The following ARK2C variants were observed in gnomAD, a reference collection of about 807,000 sequenced individuals.
ARK2C encodes the protein arkadia (RNF111) C-terminal like ring finger ubiquitin ligase 2C.
the ARK2C span, among the ~76,000 whole-genome samples, chr18:46,345,630 C>G: frequency 6.6e-6 from 1 of 152,174 alleles, no homozygotes; most frequent in Non-Finnish European, 1.5e-5. Context: ...AGGGCTTGGG[C>G]CTGCTGCAGG....
the ARK2C span, among the ~76,000 whole-genome samples, chr18:46,376,234 C>T: frequency 5.9e-5 from 9 of 152,334 alleles, no homozygotes; most frequent in South Asian, 4.1e-4. Flanking sequence ...AAAATCAACA[C>T]ACAGCATGCA....
chr18:46,365,632 T>C, the ARK2C span, among the ~76,000 whole-genome samples: 1 of 152,204 alleles, frequency 6.6e-6, no homozygotes, highest in Non-Finnish European at 1.5e-5. Context: ...GCCTCCCCAG[T>C]AGCTAGGATT....
chr18:46,400,118 C>T, the ARK2C span, among the ~76,000 whole-genome samples: 2 of 152,146 alleles, frequency 1.3e-5, no homozygotes, highest in Non-Finnish European at 2.9e-5. Context: ...TTTCTCCTGG[C>T]GGGTGTCCTG....
chr18:46,408,855 G>A, the ARK2C span, among the ~76,000 whole-genome samples: 1 of 152,190 alleles, frequency 6.6e-6, no homozygotes, highest in Non-Finnish European at 1.5e-5. Flanking sequence ...CATCCCAGTG[G>A]TACTGTTATC....
chr18:46,454,140 T>TAAAAAAAAAAAAAAAAAAA, the ARK2C span, among the ~76,000 whole-genome samples: 1 of 93,256 alleles, frequency 1.1e-5, no homozygotes. Context: ...AAAAAAAAAG[T>TAAAAAAAAAAAAAAAAAAA]AAAAGGGAAG....
chr18:46,338,909 C>G, the ARK2C span, among the ~76,000 whole-genome samples: 1 of 152,190 alleles, frequency 6.6e-6, no homozygotes, highest in South Asian at 2.1e-4. Flanking sequence ...CGGGTGCACC[C>G]CTGCCTGACC....
chr18:46,419,619 C>T, the ARK2C span, among the ~76,000 whole-genome samples: 2 of 152,176 alleles, frequency 1.3e-5, no homozygotes, highest in Non-Finnish European at 2.9e-5. Context: ...TGATATTAAG[C>T]AATGAGCGGA....
At chr18:46,389,348 T>A in the ARK2C span, among the ~76,000 whole-genome samples, 10 of 152,178 alleles carry the variant, frequency 6.6e-5, no homozygotes, top group Admixed American at 2.0e-4. Context: ...AAATAAAACA[T>A]CACTGTAAGT....
the ARK2C span, among the ~76,000 whole-genome samples, chr18:46,380,847 A>G: frequency 6.6e-6 from 1 of 152,088 alleles, no homozygotes; most frequent in Non-Finnish European, 1.5e-5. Context: ...TCCCCATCAC[A>G]CTCGCCCCAG....
the ARK2C span, among the ~76,000 whole-genome samples, chr18:46,400,201 C>T: frequency 1.3e-5 from 2 of 152,212 alleles, no homozygotes; most frequent in Non-Finnish European, 2.9e-5. Context: ...GCTGGTCACC[C>T]CTCTCATGGG....
At chr18:46,361,119 T>A in the ARK2C span, among the ~76,000 whole-genome samples, 1 of 152,216 alleles carries the variant, frequency 6.6e-6, no homozygotes, top group East Asian at 1.9e-4. Context: ...TGATGCCCAG[T>A]GTAAAAAAAT....
the ARK2C span, among the ~76,000 whole-genome samples, chr18:46,397,024 G>GC: frequency 6.6e-6 from 1 of 152,306 alleles, no homozygotes; most frequent in East Asian, 1.9e-4. Context: ...CTGTGCGAGC[G>GC]TGGCCCAGAT....
At chr18:46,358,702 C>A in the ARK2C span, among the ~76,000 whole-genome samples, 1 of 152,076 alleles carries the variant, frequency 6.6e-6, no homozygotes, top group South Asian at 2.1e-4. Flanking sequence ...GGTTCCAGAC[C>A]CCCAGGAACA....
At chr18:46,441,706 G>A in the ARK2C span, among the ~76,000 whole-genome samples, 1 of 151,648 alleles carries the variant, frequency 6.6e-6, no homozygotes, top group African/African-American at 2.4e-5. Flanking sequence ...GGCTATCATG[G>A]TGAAACCCCG....
At chr18:46,421,345 T>A in the ARK2C span, among the ~76,000 whole-genome samples, 2 of 152,044 alleles carry the variant, frequency 1.3e-5, no homozygotes, top group Non-Finnish European at 2.9e-5. Flanking sequence ...TGATGCTTCC[T>A]CCATGCTCAC....
chr18:46,400,709 G>A, the ARK2C span, among the ~76,000 whole-genome samples: 326 of 152,244 alleles, frequency 2.1e-3, 2 homozygotes, highest in African/African-American at 7.2e-3. Context: ...CAGCCTGTCG[G>A]GAAGCCTCTG....
At chr18:46,364,034 G>A in the ARK2C span, among the ~76,000 whole-genome samples, 1 of 143,304 alleles carries the variant, frequency 7.0e-6, no homozygotes, top group Non-Finnish European at 1.5e-5. Context: ...TGCAACCTCT[G>A]CTTCCTGGGT....
At chr18:46,354,001 T>C in the ARK2C span, among the ~76,000 whole-genome samples, 1 of 152,130 alleles carries the variant, frequency 6.6e-6, no homozygotes, top group Admixed American at 6.5e-5. Flanking sequence ...GCCAAGATCA[T>C]TCAGCTGGGG....
chr18:46,429,384 C>T, the ARK2C span, among the ~76,000 whole-genome samples: 3 of 152,286 alleles, frequency 2.0e-5, no homozygotes, highest in South Asian at 2.1e-4. Flanking sequence ...AACCGCAGTG[C>T]GCTTTTAACT....
Sources: allele counts gnomAD v4.1 joint callset (sites outside exome capture counted in the v4.1 genomes callset), GRCh38; gene constraint gnomAD v4.1.1; transcripts MANE v1.5; gene names NCBI Gene and HGNC (gene_info 2026-07-23, HGNC 2026-07-21).